AOPEP: variants seen among roughly 807,000 people sequenced by gnomAD.
AOPEP encodes aminopeptidase O.
AOPEP carries 77 observed loss-of-function variants against 98.1 expected under a neutral mutation model. The ratio of observed to expected loss-of-function variants is 0.78; its 90% confidence interval spans 0.65 to 0.95. The LOEUF is 0.95. AOPEP is among the 40% of genes least tolerant of loss of function. The probability of loss-of-function intolerance (pLI) is 0.00; values close to 1 mark genes in which losing one functional copy is unlikely to be tolerated. For synonymous variants in AOPEP, 346 were observed against 365.3 expected (o/e 0.95, Z 0.60); for missense variants, 1,024 against 1,024.7 (o/e 1.00, Z 0.01).
intron 1 of AOPEP, among the ~76,000 whole-genome samples, chr9:94,734,090 C>G (rs963896843): frequency 6.6e-6 from 1 of 152,066 alleles, no homozygotes; most frequent in African/African-American, 2.4e-5. Flanking sequence ...ATTTACTGGC[C>G]TTGGCAATCC....
chr9:94,998,129 G>T (rs897572328), intron 11 of AOPEP, among the ~76,000 whole-genome samples: 1 of 151,884 alleles, frequency 6.6e-6, no homozygotes, highest in Non-Finnish European at 1.5e-5. Flanking sequence ...TTTATGGTAT[G>T]GAATTATATT....
chr9:95,101,507 G>A, the AOPEP span: 1 of 657,056 alleles, frequency 1.5e-6, no homozygotes, highest in South Asian at 1.8e-5. Flanking sequence ...GAACATGTCT[G>A]ACTGAGTCTG....
chr9:95,020,442 C>A (rs539051334), intron 13 of AOPEP, among the ~76,000 whole-genome samples: 1 of 152,182 alleles, frequency 6.6e-6, no homozygotes, highest in African/African-American at 2.4e-5. Context: ...TTTGAGAGAT[C>A]AGTAATTCCA....
chr9:94,892,667 C>A (rs994111398), intron 5 of AOPEP, among the ~76,000 whole-genome samples: 2 of 150,166 alleles, frequency 1.3e-5, no homozygotes, highest in African/African-American at 4.9e-5. Context: ...TGCTATTGTC[C>A]TGTTGTCATT....
intron 7 of AOPEP, among the ~76,000 whole-genome samples, chr9:94,941,233 C>T (rs544294073): frequency 2.0e-5 from 3 of 152,242 alleles, no homozygotes; most frequent in South Asian, 2.1e-4. Context: ...AATCTCACCA[C>T]TGTCCAGAGT....
intron 13 of AOPEP, 32 bp from the exon 14 acceptor site, chr9:95,060,662 C>T: frequency 7.1e-7 from 1 of 1,405,824 alleles, no homozygotes; most frequent in Non-Finnish European, 1.0e-6. Flanking sequence ...AACTGAATGG[C>T]ATTTTCATAG....
intron 7 of AOPEP, among the ~76,000 whole-genome samples, chr9:94,941,613 C>T (rs920020325): frequency 6.6e-6 from 1 of 152,220 alleles, no homozygotes; most frequent in African/African-American, 2.4e-5. Context: ...GAGGGACACC[C>T]TCAGCTCTCA....
chr9:95,002,313 AG>A (rs138560767), intron 11 of AOPEP, among the ~76,000 whole-genome samples: 6,315 of 152,258 alleles, frequency 0.041, 444 homozygotes, highest in African/African-American at 0.14. Flanking sequence ...AGTATATGCC[AG>A]GCAATGTTTC....
intron 13 of AOPEP, among the ~76,000 whole-genome samples, chr9:95,008,049 A>G (rs531322922): frequency 6.6e-6 from 1 of 152,372 alleles, no homozygotes; most frequent in East Asian, 1.9e-4. Flanking sequence ...GTTAAAATAA[A>G]GCTATGGTAT....
At chr9:94,786,507 T>A (rs1414780697) in intron 3 of AOPEP, among the ~76,000 whole-genome samples, 1 of 152,248 alleles carries the variant, frequency 6.6e-6, no homozygotes, top group Non-Finnish European at 1.5e-5. Flanking sequence ...CTCTGCTTTC[T>A]GGGGCAGTAT....
chr9:95,099,887 G>A, the AOPEP span: 2 of 233,400 alleles, frequency 8.6e-6, no homozygotes, highest in African/African-American at 2.2e-5. Flanking sequence ...AAGGGGCATG[G>A]GCAGAGGCCT....
chr9:94,736,569 T>C (rs936149335), intron 1 of AOPEP, among the ~76,000 whole-genome samples: 3 of 152,238 alleles, frequency 2.0e-5, no homozygotes, highest in Admixed American at 6.5e-5. Context: ...TAATAAATTA[T>C]ATTAGTTCTA....
intron 5 of AOPEP, among the ~76,000 whole-genome samples, chr9:94,804,113 T>C (rs1370848418): frequency 6.6e-6 from 1 of 152,210 alleles, no homozygotes; most frequent in Non-Finnish European, 1.5e-5. Flanking sequence ...CAAGCCTAGT[T>C]TCTTAATTTT....
chr9:94,940,888 C>G (rs965747051), intron 7 of AOPEP, among the ~76,000 whole-genome samples: 24 of 152,086 alleles, frequency 1.6e-4, no homozygotes, highest in Admixed American at 1.6e-3. Context: ...GGCATCTGCT[C>G]CTGTCTCTTG....
intron 7 of AOPEP, among the ~76,000 whole-genome samples, chr9:94,950,114 T>C (rs1326571726): frequency 1.3e-5 from 2 of 152,196 alleles, no homozygotes; most frequent in African/African-American, 4.8e-5. Context: ...AAGAAATTAC[T>C]GTAGTAGTAG....
chr9:94,749,082 TGTA>T (rs945252557), intron 1 of AOPEP, among the ~76,000 whole-genome samples: 1 of 152,252 alleles, frequency 6.6e-6, no homozygotes, highest in African/African-American at 2.4e-5. Context: ...ATAAGGAAGA[TGTA>T]GTCTCTCCCT....
At chr9:95,028,996 G>C (rs1315989147) in intron 13 of AOPEP, among the ~76,000 whole-genome samples, 2 of 152,244 alleles carry the variant, frequency 1.3e-5, no homozygotes, top group African/African-American at 4.8e-5. Flanking sequence ...GGCAGCGCCA[G>C]CTGGTGAGGA....
intron 3 of AOPEP, among the ~76,000 whole-genome samples, chr9:94,785,424 A>G (rs1844215565): frequency 6.6e-6 from 1 of 152,220 alleles, no homozygotes; most frequent in South Asian, 2.1e-4. Flanking sequence ...TACTAGTGAG[A>G]CAACTGAAGT....
At chr9:94,834,035 G>A (rs1467758232) in intron 5 of AOPEP, among the ~76,000 whole-genome samples, 4 of 152,140 alleles carry the variant, frequency 2.6e-5, no homozygotes. Flanking sequence ...ATCTGATCAA[G>A]CCCCGAGATC....
Sources: allele counts gnomAD v4.1 joint callset (sites outside exome capture counted in the v4.1 genomes callset), GRCh38; gene constraint gnomAD v4.1.1; transcripts MANE v1.5; gene names NCBI Gene and HGNC (gene_info 2026-07-23, HGNC 2026-07-21).